CNBD1: variants seen among roughly 807,000 people sequenced by gnomAD.
CNBD1 encodes cyclic nucleotide-binding domain-containing protein 1.
CNBD1 carries 71 observed loss-of-function variants against 54.4 expected under a neutral mutation model. The ratio of observed to expected loss-of-function variants is 1.30; its 90% confidence interval spans 1.08 to 1.59. The LOEUF (loss-of-function observed/expected upper bound fraction) is 1.59, where lower values mean the gene tolerates loss of function less well. CNBD1 is among the 40% of genes most tolerant of loss of function. The pLI is 0.00. For missense variants in CNBD1, 659 were observed against 518.0 expected (o/e 1.27, Z -2.64); for synonymous variants, 182 against 170.7 (o/e 1.07, Z -0.51).
intron 8 of CNBD1, among the ~76,000 whole-genome samples, chr8:87,326,393 G>C (rs948466120): frequency 7.9e-6 from 1 of 126,116 alleles, no homozygotes; most frequent in African/African-American, 2.9e-5. Context: ...ATATCCTGTA[G>C]AGTGTTTTCC....
chr8:87,186,990 A>G (rs903991124), intron 4 of CNBD1, among the ~76,000 whole-genome samples: 9 of 152,286 alleles, frequency 5.9e-5, no homozygotes, highest in South Asian at 2.1e-4. Context: ...TGATAAATCA[A>G]TTCTTCAAGT....
intron 4 of CNBD1, among the ~76,000 whole-genome samples, chr8:86,991,713 G>GT (rs60483759): frequency 0.95 from 143,850 of 152,148 alleles, 68,107 homozygotes; most frequent in East Asian, 1. Context: ...GGTAAGTTGT[G>GT]CCCTACTTTC....
intron 8 of CNBD1, among the ~76,000 whole-genome samples, chr8:87,318,816 G>A (rs1196849768): frequency 6.6e-6 from 1 of 152,028 alleles, no homozygotes; most frequent in Non-Finnish European, 1.5e-5. Flanking sequence ...TCAGAGACAG[G>A]AAGGATAGTC....
At chr8:87,252,694 A>G (rs1322266450) in intron 6 of CNBD1, among the ~76,000 whole-genome samples, 1 of 152,138 alleles carries the variant, frequency 6.6e-6, no homozygotes, top group African/African-American at 2.4e-5. Flanking sequence ...CAAAACTCAG[A>G]GGGATTTTTT....
At chr8:87,137,126 T>G (rs1731758324) in intron 4 of CNBD1, among the ~76,000 whole-genome samples, 1 of 136,516 alleles carries the variant, frequency 7.3e-6, no homozygotes, top group African/African-American at 2.7e-5. Context: ...ATATTTTTAT[T>G]ATATATAAAT....
At chr8:86,953,814 C>T (rs1270831562) in intron 4 of CNBD1, among the ~76,000 whole-genome samples, 1 of 151,742 alleles carries the variant, frequency 6.6e-6, no homozygotes, top group Non-Finnish European at 1.5e-5. Flanking sequence ...TTGCAGTGAG[C>T]CAAGATCGTG....
At chr8:87,086,115 G>A (rs186148596) in intron 4 of CNBD1, among the ~76,000 whole-genome samples, 2 of 152,148 alleles carry the variant, frequency 1.3e-5, no homozygotes, top group South Asian at 4.1e-4. Flanking sequence ...CTGGAGAAGA[G>A]TTTGTGAATG....
At chr8:87,401,803 A>G (rs191198441) in intron 2 of CNBD1, among the ~76,000 whole-genome samples, 12 of 152,186 alleles carry the variant, frequency 7.9e-5, no homozygotes, top group African/African-American at 2.2e-4. Context: ...CCTGATATCA[A>G]TTATGCTTTT....
At chr8:87,256,975 T>C (rs371115316) in intron 6 of CNBD1, among the ~76,000 whole-genome samples, 1 of 152,066 alleles carries the variant, frequency 6.6e-6, no homozygotes, top group African/African-American at 2.4e-5. Context: ...CAAAAAGCTT[T>C]CTTTACCTGG....
intron 4 of CNBD1, among the ~76,000 whole-genome samples, chr8:86,990,073 A>G (rs7845923): frequency 0.95 from 143,935 of 152,272 alleles, 68,134 homozygotes; most frequent in East Asian, 1. Flanking sequence ...AGAATTGTTC[A>G]AGTTTCTTAT....
intron 4 of CNBD1, among the ~76,000 whole-genome samples, chr8:87,021,428 AAG>A (rs1298277104): frequency 6.6e-6 from 1 of 152,250 alleles, no homozygotes; most frequent in African/African-American, 2.4e-5. Flanking sequence ...TATGAATAAT[AAG>A]ATGCTATTTG....
chr8:86,916,051 T>A (rs1009284426), intron 3 of CNBD1, among the ~76,000 whole-genome samples: 7 of 152,142 alleles, frequency 4.6e-5, no homozygotes, highest in Admixed American at 3.9e-4. Context: ...GCCATCATGG[T>A]CTCAGAGAAA....
At chr8:87,265,830 A>G (rs1391299432) in intron 6 of CNBD1, among the ~76,000 whole-genome samples, 1 of 152,164 alleles carries the variant, frequency 6.6e-6, no homozygotes, top group African/African-American at 2.4e-5. Context: ...GAAGTTTGCT[A>G]ATCACCTCTC....
intron 4 of CNBD1, among the ~76,000 whole-genome samples, chr8:87,014,764 C>A (rs781413522): frequency 2.5e-4 from 37 of 150,386 alleles, no homozygotes; most frequent in Admixed American, 4.6e-4. Context: ...CTAATCCAAA[C>A]CTTATTTAAG....
At chr8:87,274,485 T>A (rs1454737147) in intron 6 of CNBD1, among the ~76,000 whole-genome samples, 1 of 148,830 alleles carries the variant, frequency 6.7e-6, no homozygotes, top group East Asian at 1.9e-4. Flanking sequence ...AGATGATATC[T>A]CATTGTGGTT....
intron 10 of CNBD1, 104 bp downstream of exon 10, chr8:87,353,890 G>A: frequency 1.3e-6 from 1 of 742,436 alleles, no homozygotes; most frequent in Non-Finnish European, 2.1e-6. Flanking sequence ...TTATTAAATT[G>A]GGGTTCACCT....
intron 4 of CNBD1, among the ~76,000 whole-genome samples, chr8:86,999,858 G>A (rs949687229): frequency 6.6e-6 from 1 of 152,200 alleles, no homozygotes; most frequent in Non-Finnish European, 1.5e-5. Context: ...ATTAATTATA[G>A]ATGGACATTG....
intron 4 of CNBD1, among the ~76,000 whole-genome samples, chr8:87,191,748 C>G (rs975386889): frequency 6.6e-6 from 1 of 152,142 alleles, no homozygotes; most frequent in African/African-American, 2.4e-5. Flanking sequence ...TCAAGAAACA[C>G]CCCGACTGCC....
At chr8:87,336,953 C>T (rs1809955748) in intron 8 of CNBD1, among the ~76,000 whole-genome samples, 1 of 152,102 alleles carries the variant, frequency 6.6e-6, no homozygotes, top group Non-Finnish European at 1.5e-5. Flanking sequence ...TCAGGCCCCT[C>T]TTCTGTAGGG....
Sources: allele counts gnomAD v4.1 joint callset (sites outside exome capture counted in the v4.1 genomes callset), GRCh38; gene constraint gnomAD v4.1.1; transcripts MANE v1.5; gene names NCBI Gene and HGNC (gene_info 2026-07-23, HGNC 2026-07-21).